The following CACNA1B variants were observed in gnomAD, a reference collection of about 807,000 sequenced individuals.
The protein encoded by CACNA1B is calcium voltage-gated channel subunit alpha1 B.
A neutral mutation model predicts 247.2 loss-of-function variants in CACNA1B; 70 were observed. The ratio of observed to expected loss-of-function variants is 0.28; its 90% CI spans 0.23 to 0.35. The LOEUF (loss-of-function observed/expected upper bound fraction) is 0.35, where lower values mean the gene tolerates loss of function less well. Ranked by LOEUF, CACNA1B falls within the 10% of genes least tolerant of loss-of-function variation. The pLI is 1.00. For synonymous variants in CACNA1B, 1,231 were observed against 1,294.4 expected, an observed-to-expected ratio of 0.95 and a Z score of 1.05; for missense variants, 2,367 against 3,197.4, an observed-to-expected ratio of 0.74 and a Z score of 6.26.
chr9:138,087,383 T>TC (rs1309419101), intron 36 of CACNA1B, among the ~76,000 whole-genome samples: 3 of 46,766 alleles, frequency 6.4e-5, no homozygotes, highest in Non-Finnish European at 1.0e-4. Flanking sequence ...AGACTCTGTC[T>TC]CAAAAAAAAA....
At chr9:138,016,740 G>A (rs1056470226) in intron 18 of CACNA1B, among the ~76,000 whole-genome samples, 7 of 152,190 alleles carry the variant, frequency 4.6e-5, no homozygotes, top group Non-Finnish European at 2.9e-5. Flanking sequence ...CTTGAGGGCC[G>A]GGAGACCGTG....
chr9:137,970,254 G>C (rs12349472), intron 10 of CACNA1B, among the ~76,000 whole-genome samples: 2 of 152,128 alleles, frequency 1.3e-5, no homozygotes, highest in African/African-American at 4.8e-5. Flanking sequence ...GAGACCCATG[G>C]CTGGGGCACA....
Position 138,025,137 on chromosome 9 carries a change from T to C in CACNA1B, c.3251T>C (p.Leu1084Pro). The C allele has an allele frequency of 6.2e-7, 1 of 1,612,774 alleles. No individual in the cohort carries two copies. Among genetic ancestry groups the C allele is most frequent in the Non-Finnish European group, 8.5e-7 (1 of 1,179,368 alleles). ...ACTATTGTACATATCCCAGTGATGC[T>C]GACGGGCCCTCTTGGGGAAGCCACG... ...PNTIVHIPVM[L>P]TGPLGEATVV... is the part of the protein sequence containing the mutation. The change falls in exon 20 of 47, where the codon CTG becomes CCG. Residue 1084 changes from leucine (L) to proline (P), a missense_variant. By Grantham distance (98) the Leu-to-Pro change is moderately conservative. This residue lies in a region of CACNA1B where 631 missense variants were observed against 631.1 expected (regional missense o/e 1.00). Transcript: ENST00000371372.
rs571466425 is a variant in CACNA1B at position 138,012,585 on chromosome 9, G to A, written c.2161-544G>A. On this transcript the variant is annotated intron_variant, in intron 17 of 46. Coordinates refer to ENST00000371372, the MANE Select transcript of CACNA1B (RefSeq NM_000718.4). The surrounding 1 kb of genome is among the most constrained non-coding windows in gnomAD (Gnocchi z 4.2). The stretch of plus-strand genomic sequence containing the variant: ...AAAATTTAGCCAGTCGTGATGACAC[G>A]TGCTTGGAGTCCCAGCTGCATGGGA... 1.3e-5 allele frequency among the ~76,000 whole-genome samples: 2 copies of A among 152,100 alleles called. No homozygotes were observed. Among genetic ancestry groups the A allele is most frequent in the South Asian group, 4.2e-4 (2 of 4,818 alleles).
intron 3 of CACNA1B, chr9:137,890,010 C>T (rs565480160): frequency 6.7e-6 from 1 of 149,868 alleles, no homozygotes; most frequent in Non-Finnish European, 1.5e-5. Flanking sequence ...GGGCATGAGA[C>T]CTGGGGCTTG....
Position 137,909,825 on chromosome 9 carries a change from C to T in CACNA1B, c.531-3355C>T, listed in dbSNP as rs144482927. On this transcript the variant is annotated intron_variant, in intron 3 of 46. Transcript: ENST00000371372. ...TCACTCTATCACCCAGGCTGGAGTG[C>T]AGTGGCATGATCTCAGCTCACTGCA... 9.9e-3 allele frequency among the ~76,000 whole-genome samples: 1,505 copies of T among 151,964 alleles called. 34 individuals carry two copies. The highest frequency in any genetic ancestry group is 0.034 in the African/African-American group (1,407 of 41,428).
chr9:137,993,033 G>T (rs1268189782), intron 15 of CACNA1B, among the ~76,000 whole-genome samples: 2 of 152,098 alleles, frequency 1.3e-5, no homozygotes, highest in African/African-American at 2.4e-5. Context: ...TACAGCAAAG[G>T]CAGTGCTAAG....
chr9:138,101,534 A>G (rs1019791575), intron 37 of CACNA1B, among the ~76,000 whole-genome samples: 2 of 152,268 alleles, frequency 1.3e-5, no homozygotes, highest in Admixed American at 6.5e-5. Flanking sequence ...GCTGATGGTC[A>G]GGCCAAAGGC....
At chr9:137,920,317 C>A (rs990862169) in intron 6 of CACNA1B, among the ~76,000 whole-genome samples, 3 of 152,184 alleles carry the variant, frequency 2.0e-5, no homozygotes, top group African/African-American at 4.8e-5. Context: ...ATGCCTCAGC[C>A]TCCTAAGTAG....
At chr9:137,967,304 G>A (rs1184770008) in intron 10 of CACNA1B, among the ~76,000 whole-genome samples, 1 of 152,100 alleles carries the variant, frequency 6.6e-6, no homozygotes, top group Non-Finnish European at 1.5e-5. Context: ...CCCATACCCA[G>A]TAAGTCACAG....
At position 138,120,640 on chromosome 9, in the gene CACNA1B, G is replaced by A. The variant is rs753323084; in HGVS notation, c.6248G>A (p.Ser2083Asn). 3.1e-5 allele frequency: 47 copies of A among 1,501,948 alleles called. No individual in the cohort carries two copies. The highest frequency in any genetic ancestry group is 7.9e-5 in the Admixed American group (3 of 38,116). 93.0% of individuals were successfully genotyped at this position (1,501,948 alleles called of 1,614,324 possible). A position where few individuals can be genotyped will look rare whatever the true frequency, so the allele number is the denominator to read the frequency against. Reference protein sequence around the residue: ...LSADMDGAPSSAVGPGLPPGE... With the variant: ...LSADMDGAPSNAVGPGLPPGE... ...TCTCTTCCCTGGCCAGCACCAAGCA[G>A]TGCTGTGGGGCCGGGGCTGCCCCCG... Residue 2083 changes from serine to asparagine, a missense_variant, in exon 46 of 47, where the codon AGT becomes AAT. Transcript: ENST00000371372.
At chr9:138,105,294 A>G (rs1035728958) in intron 38 of CACNA1B, among the ~76,000 whole-genome samples, 1 of 151,980 alleles carries the variant, frequency 6.6e-6, no homozygotes, top group African/African-American at 2.4e-5. Flanking sequence ...GTGGGAGGAG[A>G]AGATGGGGGT....
rs1364253676 is a variant in CACNA1B, at chr9:138,052,922, T to G, written c.3807+734T>G. ...TGTGGGAGACGGTTGTGGCCCCACC[T>G]TCCCGTCACAGCTAGATCAGAGCAG... On this transcript the variant is annotated intron_variant, in intron 25 of 46. Transcript: ENST00000371372. This position sits in a 1 kb window ranked among gnomAD's most constrained non-coding sequence, Gnocchi z 5.1. Among the ~76,000 whole-genome samples, 3 of 152,148 alleles carry G rather than the reference T, an allele frequency of 2.0e-5. No individual in the cohort carries two copies. Among genetic ancestry groups the G allele is most frequent in the Non-Finnish European group, 4.4e-5 (3 of 68,010 alleles).
chr9:137,994,357 C>A (rs1958471251), intron 15 of CACNA1B, among the ~76,000 whole-genome samples: 1 of 152,250 alleles, frequency 6.6e-6, no homozygotes, highest in Non-Finnish European at 1.5e-5. Context: ...AGCAATCAGA[C>A]AAGAGAAAGA....
chr9:138,089,819 G>A (rs1960819645), intron 36 of CACNA1B, among the ~76,000 whole-genome samples: 1 of 152,144 alleles, frequency 6.6e-6, no homozygotes, highest in Non-Finnish European at 1.5e-5. Flanking sequence ...TCAGTAGTGT[G>A]TCTGTATACC....
chr9:137,879,045 C>G lies in CACNA1B; in HGVS notation c.285-9C>G. ...GCGGCGTCTGCCGGCCAGTCCTTAA[C>G]TCACGCACTCCATTCGAGTATATGA... On this transcript the variant is annotated splice_polypyrimidine_tract_variant and intron_variant, in intron 1 of 46. Coordinates refer to ENST00000371372, the MANE Select transcript of CACNA1B (RefSeq NM_000718.4). 6.3e-7 allele frequency: 1 copy of G among 1,597,384 alleles called. No individual in the cohort carries two copies. Among genetic ancestry groups the G allele is most frequent in the Non-Finnish European group, 8.6e-7 (1 of 1,167,312 alleles).
chr9:138,009,212 T>G (rs1958693337), intron 16 of CACNA1B, among the ~76,000 whole-genome samples: 1 of 152,230 alleles, frequency 6.6e-6, no homozygotes, highest in Admixed American at 6.5e-5. Flanking sequence ...TGGCAGGTGC[T>G]TCCCTTTGGG....
rs1958720020 is a variant in CACNA1B at position 138,011,195 on chromosome 9, C to T, written c.2160+1118C>T. 6.6e-6 allele frequency among the ~76,000 whole-genome samples: 1 copy of T among 152,226 alleles called. No homozygotes were observed. Among genetic ancestry groups the T allele is most frequent in the Non-Finnish European group, 1.5e-5 (1 of 68,038 alleles). Reference sequence around the variant, plus strand: ...TGGGGGAGCCCAAGCCCCCACAGAGCTCTCCTTGGTGCCGGGGTTGCCTTG... The same window carrying T: ...TGGGGGAGCCCAAGCCCCCACAGAGTTCTCCTTGGTGCCGGGGTTGCCTTG... On this transcript the variant is annotated intron_variant, in intron 17 of 46. Transcript: ENST00000371372. The surrounding 1 kb of genome is among the most constrained non-coding windows in gnomAD (Gnocchi z 4.2).
rs1431189225 is a variant in CACNA1B at position 137,881,536 on chromosome 9, T to C, written c.391-1208T>C. On this transcript the variant is annotated intron_variant, in intron 2 of 46. Coordinates refer to ENST00000371372, the MANE Select transcript of CACNA1B (RefSeq NM_000718.4). This position sits in a 1 kb window ranked among gnomAD's most constrained non-coding sequence, Gnocchi z 4.3. ...AAGACGAACCCTCAGGGGAGGCCCT[T>C]GAAGCTGGTCTCCTCTCCCCACCCC... 1.3e-5 allele frequency among the ~76,000 whole-genome samples: 2 copies of C among 152,150 alleles called. No individual in the cohort carries two copies. The highest frequency in any genetic ancestry group is 2.9e-5 in the Non-Finnish European group (2 of 68,016).
Sources: gnomAD v4.1 joint callset for allele counts (sites outside exome capture counted in the v4.1 genomes callset) on GRCh38, gnomAD v4.1.1 for gene constraint, gnomAD v4.1.1 regional missense constraint, Gnocchi (gnomAD v3.1) non-coding constraint, MANE v1.5 for transcripts, NCBI Gene and HGNC (gene_info 2026-07-23, HGNC 2026-07-21) for gene names.